NCOA1: variants seen among roughly 807,000 people sequenced by gnomAD.
The protein encoded by NCOA1 is Hin-2 protein.
NCOA1 carries 35 observed loss-of-function variants against 150.9 expected under a neutral mutation model. The ratio of observed to expected loss-of-function variants is 0.23; its 90% CI spans 0.18 to 0.31. The LOEUF (loss-of-function observed/expected upper bound fraction) is 0.31, where lower values mean the gene tolerates loss of function less well. Ranked by LOEUF, NCOA1 falls within the 10% of genes least tolerant of loss-of-function variation. The pLI is 1.00. For synonymous variants in NCOA1, 590 were observed against 630.0 expected, an observed-to-expected ratio of 0.94 and a Z score of 0.95; for missense variants, 1,491 against 1,749.3, an observed-to-expected ratio of 0.85 and a Z score of 2.63.
intron 10 of NCOA1, among the ~76,000 whole-genome samples, chr2:24,693,798 G>T (rs549365083): frequency 6.6e-6 from 1 of 151,828 alleles, no homozygotes; most frequent in Admixed American, 6.6e-5. Flanking sequence ...AGAAGTGCCT[G>T]TCATTAGGTG....
At chr2:24,740,839 T>G (rs1663565303) in intron 18 of NCOA1, among the ~76,000 whole-genome samples, 1 of 152,232 alleles carries the variant, frequency 6.6e-6, no homozygotes, top group South Asian at 2.1e-4. Context: ...CTATATGTAG[T>G]TGGCAAGAGC....
At chr2:24,516,268 C>A (rs1664158441) in intron 1 of NCOA1, among the ~76,000 whole-genome samples, 1 of 148,802 alleles carries the variant, frequency 6.7e-6, no homozygotes, top group South Asian at 2.1e-4. Flanking sequence ...TCTCGGCCCA[C>A]TGCAAGCTCC....
intron 3 of NCOA1, among the ~76,000 whole-genome samples, chr2:24,623,000 T>C (rs1669242344): frequency 6.6e-6 from 1 of 152,204 alleles, no homozygotes; most frequent in African/African-American, 2.4e-5. Context: ...TGTATATATA[T>C]TCATGGGGAC....
chr2:24,737,188 A>G (rs1308775114), intron 17 of NCOA1, among the ~76,000 whole-genome samples: 8 of 152,200 alleles, frequency 5.3e-5, no homozygotes, highest in Non-Finnish European at 1.2e-4. Flanking sequence ...TGGGAAGGCT[A>G]TGTTGGAAGA....
At chr2:24,538,675 C>T (rs1007358727) in intron 1 of NCOA1, among the ~76,000 whole-genome samples, 7 of 152,170 alleles carry the variant, frequency 4.6e-5, no homozygotes, top group Non-Finnish European at 1.0e-4. Flanking sequence ...AGTTAAGTGA[C>T]TTTCCAAGAC....
rs1664720819 is a variant in NCOA1 at position 24,760,280 on chromosome 2, C to CA, written c.4065+2125dup. On this transcript the variant is annotated intron_variant, in intron 21 of 22. Coordinates refer to ENST00000348332, the MANE Select transcript of NCOA1 (RefSeq NM_003743.5). ...TCAGACTCCCAAGTAGCTGGGACTA[C>CA]AGGCACCCGCCACCATGCCCGGCTA... Among the ~76,000 whole-genome samples, 14 of 149,052 alleles carry CA rather than the reference C, an allele frequency of 9.4e-5. No homozygotes were observed. In the South Asian group the frequency reaches 3.0e-3, roughly 32 times the overall value.
At position 24,707,722 on chromosome 2, in the gene NCOA1, A is replaced by G. The variant is rs763852949; in HGVS notation, c.2252A>G (p.Tyr751Cys). 1.3e-5 allele frequency: 21 copies of G among 1,614,216 alleles called. No homozygotes were observed. Among genetic ancestry groups the G allele is most frequent in the Admixed American group, 3.3e-5 (2 of 60,030 alleles). The change falls in exon 13 of 23, where the codon TAT (tyrosine) becomes TGT (cysteine). Residue 751 changes from tyrosine (Y) to cysteine (C), a missense_variant. Around this residue, in one of 8 missense-constraint regions of NCOA1, gnomAD observed 703 missense variants for 717.7 expected, o/e 0.98. Coordinates refer to ENST00000348332, the MANE Select transcript of NCOA1 (RefSeq NM_003743.5). ...KESKDHQLLR[Y>C]LLDKDEKDLR... ...TCAAAAGACCATCAGCTCCTACGCT[A>G]TCTTTTAGATAAAGATGAGAAAGAT...
intron 6 of NCOA1, among the ~76,000 whole-genome samples, chr2:24,671,598 T>C: frequency 6.6e-6 from 1 of 152,212 alleles, no homozygotes; most frequent in East Asian, 1.9e-4. Flanking sequence ...TCTCACTCTG[T>C]CACCCAGGCT....
At chr2:24,756,448 T>A (rs1190345329) in intron 20 of NCOA1, among the ~76,000 whole-genome samples, 1 of 152,220 alleles carries the variant, frequency 6.6e-6, no homozygotes, top group Non-Finnish European at 1.5e-5. Flanking sequence ...TCTGTACTTT[T>A]CTTCAGACAT....
intron 1 of NCOA1, among the ~76,000 whole-genome samples, chr2:24,501,888 A>T (rs1412455120): frequency 1.3e-5 from 2 of 152,086 alleles, no homozygotes; most frequent in Non-Finnish European, 2.9e-5. Flanking sequence ...CAGTAACTCT[A>T]CTCATCCAGT....
rs1666770311 is a variant in NCOA1 at position 24,572,239 on chromosome 2, A to G, written c.-260+7809A>G. Among the ~76,000 whole-genome samples the G allele has an allele frequency of 2.6e-5, 4 of 152,196 alleles. No homozygotes were observed. The South Asian group carries it at 6.2e-4, about 24-fold the overall frequency. On this transcript the variant is annotated intron_variant, in intron 2 of 22. Transcript: ENST00000348332. Reference sequence around the variant, plus strand: ...AGTCCTAGGCCTGGGACAGGTGGGTAAAACTTGATAATGTGTTAGGGTGGT... The same window carrying G: ...AGTCCTAGGCCTGGGACAGGTGGGTGAAACTTGATAATGTGTTAGGGTGGT...
chr2:24,707,668 T>G lies in NCOA1; in HGVS notation c.2198T>G (p.Leu733Arg). The G allele has an allele frequency of 6.2e-7, 1 of 1,614,120 alleles. No individual in the cohort carries two copies. Among genetic ancestry groups the G allele is most frequent in the Non-Finnish European group, 8.5e-7 (1 of 1,180,018 alleles). Residue 733 changes from leucine to arginine, a missense_variant, in exon 13 of 23, where the codon CTA becomes CGA. Leu to Arg is a moderately radical substitution (Grantham distance 102). This residue lies in a region of NCOA1 where 703 missense variants were observed against 717.7 expected (regional missense o/e 0.98). Transcript: ENST00000348332. ...GQVQGNSSIK[L>R]ELDASKKKES... ...GTACAAGGAAACTCCAGTATAAAAC[T>G]AGAACTGGATGCTTCAAAGAAAAAA... is the stretch of plus-strand genomic sequence containing the variant.
chr2:24,579,853 C>A (rs1667130055), intron 2 of NCOA1, among the ~76,000 whole-genome samples: 1 of 152,194 alleles, frequency 6.6e-6, no homozygotes, highest in African/African-American at 2.4e-5. Context: ...AGCTTGATCT[C>A]TGATTTTATT....
intron 3 of NCOA1, among the ~76,000 whole-genome samples, chr2:24,591,869 A>G (rs1294097265): frequency 6.6e-6 from 1 of 152,124 alleles, no homozygotes; most frequent in Non-Finnish European, 1.5e-5. Context: ...CCCACCATCA[A>G]TAGCTGTGGG....
intron 14 of NCOA1, among the ~76,000 whole-genome samples, chr2:24,722,380 CTTTGCTGTGTCCT>C (rs1380230270): frequency 6.6e-6 from 1 of 152,180 alleles, no homozygotes. Context: ...CCTTCAAAAC[CTTTGCTGTGTCCT>C]TTTGACTATC....
In NCOA1 at chr2:24,608,518, C is replaced by T. The variant is rs576073797; in HGVS notation, c.-175+23958C>T. Among the ~76,000 whole-genome samples the T allele has an allele frequency of 5.3e-5, 8 of 151,570 alleles. No individual in the cohort carries two copies. In the South Asian group the frequency reaches 1.0e-3, roughly 20 times the overall value. ...TCTTGACCTTGTGATCTGTCCACCT[C>T]GTCCTCCCAAAGTACTGGGATTATA... On this transcript the variant is annotated intron_variant, in intron 3 of 22. Transcript: ENST00000348332.
Position 24,707,004 on chromosome 2 carries a change from A to G in NCOA1, c.1534A>G (p.Ile512Val), listed in dbSNP as rs1673480045. 1.2e-6 allele frequency: 2 copies of G among 1,614,058 alleles called. No homozygotes were observed. The highest frequency in any genetic ancestry group is 1.3e-5 in the African/African-American group (1 of 74,920). ...GCCAAACAATTCCTTTCCTCCTAATATTTCGACATTAAGCTCTCCCGTTGG... is the reference window on the plus strand; with the variant it reads ...GCCAAACAATTCCTTTCCTCCTAATGTTTCGACATTAAGCTCTCCCGTTGG... ...RMPNNSFPPNISTLSSPVGMT... is the reference protein window; with the variant it reads ...RMPNNSFPPNVSTLSSPVGMT... Residue 512 changes from isoleucine (I) to valine (V), a missense_variant, in exon 13 of 23, where the codon ATT becomes GTT. By Grantham distance (29) the Ile-to-Val change is conservative. Transcript: ENST00000348332.
chr2:24,503,799 A>T (rs1055019808), intron 1 of NCOA1, among the ~76,000 whole-genome samples: 1 of 139,482 alleles, frequency 7.2e-6, no homozygotes, highest in Non-Finnish European at 1.5e-5. Context: ...TGGTGGTGTG[A>T]TCTTGGCTCA....
chr2:24,673,290 T>C (rs1671762396), intron 6 of NCOA1, 76 bp from the exon 7 acceptor site: 1 of 981,462 alleles, frequency 1.0e-6, no homozygotes, highest in East Asian at 2.7e-5. Flanking sequence ...TTGGTGGATC[T>C]ATGTCTTCGT....
Sources: allele counts gnomAD v4.1 joint callset (sites outside exome capture counted in the v4.1 genomes callset), GRCh38; gene constraint gnomAD v4.1.1; regional missense constraint gnomAD v4.1.1; transcripts MANE v1.5; gene names NCBI Gene and HGNC (gene_info 2026-07-23, HGNC 2026-07-21).